The following GSE1 variants were observed in gnomAD, a reference collection of about 807,000 sequenced individuals.
GSE1 encodes Gse1 coiled-coil protein, also known as genetic suppressor element 1.
In GSE1, 32 loss-of-function variants were observed where a neutral mutation model predicts 112.6. The ratio of observed to expected loss-of-function variants is 0.28; its 90% confidence interval spans 0.21 to 0.38. The LOEUF is 0.38. GSE1 is among the 10% of genes least tolerant of loss of function. The pLI, the probability that GSE1 is intolerant of heterozygous loss-of-function variation, is 1.00. For missense variants in GSE1, 2,348 were observed against 1,699.2 expected, an observed-to-expected ratio of 1.38 and a Z score of -6.71; for synonymous variants, 1,115 against 735.6, an observed-to-expected ratio of 1.52 and a Z score of -8.35.
At chr16:85,195,214 G>T (rs1597772889) in intron 1 of GSE1, among the ~76,000 whole-genome samples, 1 of 152,224 alleles carries the variant, frequency 6.6e-6, no homozygotes, top group East Asian at 1.9e-4. Flanking sequence ...AGGAGCTTGA[G>T]CTCCATTCAC....
At chr16:85,265,867 C>G (rs4074607) in intron 1 of GSE1, among the ~76,000 whole-genome samples, 10,145 of 152,218 alleles carry the variant, frequency 0.067, 496 homozygotes, top group East Asian at 0.21. Flanking sequence ...GGTCCCAGGT[C>G]CACGGTCACA....
At chr16:85,329,371 C>A (rs1249557687) in intron 1 of GSE1, among the ~76,000 whole-genome samples, 1 of 152,128 alleles carries the variant, frequency 6.6e-6, no homozygotes, top group African/African-American at 2.4e-5. Context: ...GTGGGGAAGA[C>A]ATAGGGCGGG....
rs754971815 is a variant in GSE1, at chr16:85,656,400, TGAGCGTGAGGCTGACCGC to T, written c.1053_1070del (p.Ala353_Glu358del). On this transcript the variant is annotated inframe_deletion, in exon 7 of 16. Transcript: ENST00000253458. ...GGGAGCGCGAGCGCGAGCGCGAGCGTGAGCGTGAGGCTGACCGCGAGCGGGAGAAGGAACGTGAGCGCG... is the reference window on the plus strand; with the variant it reads ...GGGAGCGCGAGCGCGAGCGCGAGCGTGAGCGGGAGAAGGAACGTGAGCGCG... The T allele has an allele frequency of 1.1e-5, 16 of 1,450,880 alleles. No homozygotes were observed. Among genetic ancestry groups the T allele is most frequent in the Non-Finnish European group, 1.4e-5 (15 of 1,075,898 alleles). 89.9% of individuals were successfully genotyped at this position (1,450,880 alleles called of 1,614,324 possible). A position where few individuals can be genotyped will look rare whatever the true frequency, so the allele number is the denominator to read the frequency against.
chr16:85,424,539 C>G (rs1416307779), intron 2 of GSE1, among the ~76,000 whole-genome samples: 1 of 152,230 alleles, frequency 6.6e-6, no homozygotes, highest in Non-Finnish European at 1.5e-5. Context: ...ATGTGCAAGG[C>G]TGCCCCTGAG....
In GSE1 at chr16:85,331,357, G is replaced by GTATA. The variant is rs1161946667; in HGVS notation, c.2284-26105_2284-26104insATAT. 7.9e-4 allele frequency among the ~76,000 whole-genome samples: 45 copies of GTATA among 57,142 alleles called. 4 individuals carry two copies. The highest frequency in any genetic ancestry group is 2.0e-3 in the African/African-American group (39 of 19,030). 37.5% of individuals were successfully genotyped at this position (57,142 alleles called of 152,430 possible). A position where few individuals can be genotyped will look rare whatever the true frequency, so the allele number is the denominator to read the frequency against. Reference sequence around the variant, plus strand: ...TGTGTGTGTGTGTGTGTGTGTGTGTGTGTGTGTGTATATATGTATATATAT... The same window carrying GTATA: ...TGTGTGTGTGTGTGTGTGTGTGTGTGTATATGTGTGTGTATATATGTATATATAT... On this transcript the variant is annotated intron_variant, in intron 1 of 2. Coordinates refer to the GSE1 transcript ENST00000637419.
At chr16:85,301,712 C>T (rs1056206313) in intron 1 of GSE1, among the ~76,000 whole-genome samples, 7 of 152,214 alleles carry the variant, frequency 4.6e-5, no homozygotes, top group African/African-American at 1.4e-4. Context: ...CCCTGTCTCC[C>T]TGGGTCCCCT....
At chr16:85,645,339 GC>G (rs998275073) in intron 2 of GSE1, among the ~76,000 whole-genome samples, 1 of 152,114 alleles carries the variant, frequency 6.6e-6, no homozygotes, top group African/African-American at 2.4e-5. Context: ...ATGTGAACGT[GC>G]CTCTGGGCCG....
At chr16:85,367,049 C>T (rs1486388563) in intron 2 of GSE1, among the ~76,000 whole-genome samples, 1 of 152,234 alleles carries the variant, frequency 6.6e-6, no homozygotes, top group African/African-American at 2.4e-5. Flanking sequence ...GCCCGCCTGG[C>T]CACCACCCTG....
intron 2 of GSE1, among the ~76,000 whole-genome samples, chr16:85,533,014 G>A (rs530161378): frequency 6.6e-6 from 1 of 152,300 alleles, no homozygotes; most frequent in East Asian, 1.9e-4. Flanking sequence ...CGGAGGTGTC[G>A]GCCGCTGCCT....
At chr16:85,415,355 G>A (rs2048679710) in intron 2 of GSE1, among the ~76,000 whole-genome samples, 3 of 152,244 alleles carry the variant, frequency 2.0e-5, no homozygotes, top group Admixed American at 2.0e-4. Flanking sequence ...TGCTAAATAG[G>A]ACATGATGAT....
At chr16:85,581,251 A>T (rs1338162439) in intron 1 of GSE1, among the ~76,000 whole-genome samples, 1 of 152,038 alleles carries the variant, frequency 6.6e-6, no homozygotes, top group Non-Finnish European at 1.5e-5. Context: ...GAGGGGGAGG[A>T]TCTCTTTCTG....
At chr16:85,601,791 C>T (rs753499266) in intron 1 of GSE1, among the ~76,000 whole-genome samples, 2 of 152,318 alleles carry the variant, frequency 1.3e-5, no homozygotes, top group Admixed American at 6.5e-5. Flanking sequence ...GTCTTGACCC[C>T]GCGTCCCCAG....
At chr16:85,654,545 A>AGG (rs1347342896) in intron 4 of GSE1, 95 bp downstream of exon 4, 1 of 1,080,850 alleles carries the variant, frequency 9.3e-7, no homozygotes, top group African/African-American at 1.6e-5. Context: ...TGCACAGATG[A>AGG]GGCTGTGCCT....
At chr16:85,647,831 T>C (rs8056655) in intron 2 of GSE1, among the ~76,000 whole-genome samples, 36,350 of 152,054 alleles carry the variant, frequency 0.24, 4,519 homozygotes, top group Middle Eastern at 0.34. Flanking sequence ...GTGATCTGTC[T>C]GCCTCGGCCT....
intron 1 of GSE1, among the ~76,000 whole-genome samples, chr16:85,597,788 A>G (rs1244613546): frequency 6.6e-6 from 1 of 152,152 alleles, no homozygotes; most frequent in Non-Finnish European, 1.5e-5. Flanking sequence ...TCAATAACTA[A>G]AAGATGGGCC....
At chr16:85,581,728 G>T (rs1380596737) in intron 1 of GSE1, among the ~76,000 whole-genome samples, 1 of 152,158 alleles carries the variant, frequency 6.6e-6, no homozygotes, top group Admixed American at 6.5e-5. Flanking sequence ...GCTGACCTGT[G>T]ACCTGTCCCC....
chr16:85,538,829 C>T (rs1269970322), intron 2 of GSE1, among the ~76,000 whole-genome samples: 3 of 152,212 alleles, frequency 2.0e-5, no homozygotes, highest in African/African-American at 7.2e-5. Context: ...TTTAACCTCC[C>T]TCTTGCCCTG....
chr16:85,396,989 C>T (rs112037050), intron 2 of GSE1, among the ~76,000 whole-genome samples: 14 of 152,264 alleles, frequency 9.2e-5, no homozygotes, highest in East Asian at 1.9e-4. Flanking sequence ...AGAGAGCAAA[C>T]GTGAAAAGCA....
intron 13 of GSE1, among the ~76,000 whole-genome samples, chr16:85,667,179 C>A (rs550164824): frequency 6.6e-6 from 1 of 151,770 alleles, no homozygotes; most frequent in East Asian, 1.9e-4. Flanking sequence ...CCCTCCCTGC[C>A]CTTTGGCAGT....
Sources: gnomAD v4.1 joint callset for allele counts (sites outside exome capture counted in the v4.1 genomes callset) on GRCh38, gnomAD v4.1.1 for gene constraint, MANE v1.5 for transcripts, NCBI Gene and HGNC (gene_info 2026-07-23, HGNC 2026-07-21) for gene names.